The following PSMA1 variants were observed in gnomAD, a reference collection of about 807,000 sequenced individuals.
PSMA1 encodes proteasome subunit alpha type-1.
A neutral mutation model predicts 38.4 loss-of-function variants in PSMA1; 3 were observed. The ratio of observed to expected loss-of-function variants is 0.08; its 90% CI spans 0.04 to 0.20. PSMA1 has a LOEUF of 0.20. Among genes scored for constraint, PSMA1 ranks in the 10% least tolerant of loss-of-function variants. The pLI, the probability that PSMA1 is intolerant of heterozygous loss-of-function variation, is 1.00. For synonymous variants in PSMA1, 101 were observed against 107.1 expected (o/e 0.94, Z 0.35); for missense variants, 227 against 325.3 (o/e 0.70, Z 2.32).
intron 2 of PSMA1, among the ~76,000 whole-genome samples, chr11:14,588,391 T>C (rs942662611): frequency 6.6e-6 from 1 of 152,196 alleles, no homozygotes. Context: ...GGGAGAGACC[T>C]TGAAATCCTT....
At chr11:14,509,504 T>C (rs1425438357) in intron 8 of PSMA1, among the ~76,000 whole-genome samples, 1 of 152,054 alleles carries the variant, frequency 6.6e-6, no homozygotes, top group African/African-American at 2.4e-5. Flanking sequence ...GTTTTTTTTT[T>C]TTTTGAGATG....
intron 1 of PSMA1, among the ~76,000 whole-genome samples, chr11:14,637,427 C>G (rs1853123586): frequency 6.6e-6 from 1 of 152,216 alleles, no homozygotes; most frequent in South Asian, 2.1e-4. Flanking sequence ...CTTATTTTCT[C>G]CTTTACCAAA....
chr11:14,632,597 ACATTTTT>A (rs1452884851), intron 1 of PSMA1, among the ~76,000 whole-genome samples: 1 of 151,408 alleles, frequency 6.6e-6, no homozygotes, highest in African/African-American at 2.4e-5. Context: ...GCTGCCCTTA[ACATTTTT>A]TCCTTCATTT....
chr11:14,580,657 G>T (rs1299912931), intron 2 of PSMA1, among the ~76,000 whole-genome samples: 1 of 152,184 alleles, frequency 6.6e-6, no homozygotes, highest in East Asian at 1.9e-4. Context: ...GAAAGGATCA[G>T]ATCATTATGG....
At chr11:14,573,863 A>G (rs1048087246) in intron 2 of PSMA1, among the ~76,000 whole-genome samples, 41 of 152,326 alleles carry the variant, frequency 2.7e-4, no homozygotes, top group Non-Finnish European at 5.6e-4. Context: ...GTTATGCATT[A>G]GCAAAGAGCC....
chr11:14,610,402 C>CTAT (rs149434169), intron 2 of PSMA1, among the ~76,000 whole-genome samples: 1,777 of 152,210 alleles, frequency 0.012, 19 homozygotes, highest in Non-Finnish European at 0.02. Flanking sequence ...GCCACAGAGG[C>CTAT]TATTGCCTGT....
At chr11:14,536,609 T>A (rs1011107174) in intron 2 of PSMA1, among the ~76,000 whole-genome samples, 37 of 150,930 alleles carry the variant, frequency 2.5e-4, no homozygotes, top group South Asian at 6.3e-4. Flanking sequence ...TTTAAAAAAA[T>A]TTTTTTTTAT....
chr11:14,633,493 G>A (rs375500045), intron 1 of PSMA1, among the ~76,000 whole-genome samples: 12 of 151,486 alleles, frequency 7.9e-5, no homozygotes, highest in Non-Finnish European at 1.2e-4. Flanking sequence ...CAGTCTGCCC[G>A]TTCTCAGATC....
chr11:14,585,857 A>T (rs552628884), intron 2 of PSMA1, among the ~76,000 whole-genome samples: 1 of 152,210 alleles, frequency 6.6e-6, no homozygotes, highest in African/African-American at 2.4e-5. Context: ...CCACTGCAAG[A>T]CTTCATTGCA....
chr11:14,600,359 G>A (rs1330717976), intron 2 of PSMA1, among the ~76,000 whole-genome samples: 1 of 152,194 alleles, frequency 6.6e-6, no homozygotes, highest in Admixed American at 6.5e-5. Context: ...CAGAGGTGAA[G>A]TCTAGAGGCA....
intron 7 of PSMA1, 42 bp from the exon 8 acceptor site, chr11:14,510,993 T>C: frequency 7.6e-7 from 1 of 1,312,018 alleles, no homozygotes; most frequent in Non-Finnish European, 1.1e-6. Context: ...ATTTCATTGT[T>C]ATGCTAGGCT....
At chr11:14,634,198 G>A (rs373237378) in intron 1 of PSMA1, among the ~76,000 whole-genome samples, 19 of 152,194 alleles carry the variant, frequency 1.2e-4, no homozygotes, top group African/African-American at 2.9e-4. Context: ...CATCCCCCCC[G>A]GTCTGTGGAA....
In PSMA1 at chr11:14,532,604, CA is replaced by C. The variant is rs1426581772; in HGVS notation, c.22-13564del. Among the ~76,000 whole-genome samples the C allele has an allele frequency of 6.3e-3, 552 of 87,126 alleles. 3 individuals carry two copies. The highest frequency in any genetic ancestry group is 0.014 in the Middle Eastern group (2 of 138). The allele number at this position is 87,126 out of a possible 152,430, so 57.2% of individuals were successfully genotyped here. A position where few individuals can be genotyped will look rare whatever the true frequency, so the allele number is the denominator to read the frequency against. On this transcript the variant is annotated intron_variant, in intron 2 of 10. Transcript: ENST00000418988. ...TGGGTGACAGAGCGAGACTCCGTCT[CA>C]AAAAAAAAAAAAAAGGGGGATATAC...
chr11:14,594,427 G>GT lies in PSMA1; in HGVS notation c.21+16538dup, dbSNP rs112342761. On this transcript the variant is annotated intron_variant, in intron 2 of 10. Coordinates refer to the PSMA1 transcript ENST00000418988. ...AATTGTTGGCACAGGGAAGGGGGGG[G>GT]TTCAGCTTTACATTTCCATCATGTC... 3.8e-4 allele frequency among the ~76,000 whole-genome samples: 57 copies of GT among 151,832 alleles called. No individual in the cohort carries two copies. In the East Asian group the frequency reaches 9.7e-3, roughly 26 times the overall value.
chr11:14,590,551 C>A (rs1852400891), intron 2 of PSMA1, among the ~76,000 whole-genome samples: 1 of 152,090 alleles, frequency 6.6e-6, no homozygotes, highest in Admixed American at 6.5e-5. Context: ...TGAACAGGGG[C>A]ATCACTGCTG....
At chr11:14,558,325 A>G (rs908105218) in intron 2 of PSMA1, among the ~76,000 whole-genome samples, 1 of 152,012 alleles carries the variant, frequency 6.6e-6, no homozygotes, top group South Asian at 2.1e-4. Context: ...AGGCTGAGAC[A>G]GGATCACTTG....
At chr11:14,525,989 A>G (rs1306594179) in intron 2 of PSMA1, among the ~76,000 whole-genome samples, 1 of 152,090 alleles carries the variant, frequency 6.6e-6, no homozygotes, top group Non-Finnish European at 1.5e-5. Context: ...TTCAACATTT[A>G]TTCTCCAAAG....
chr11:14,626,915 A>G (rs1304901180), intron 1 of PSMA1, among the ~76,000 whole-genome samples: 1 of 152,202 alleles, frequency 6.6e-6, no homozygotes, highest in South Asian at 2.1e-4. Context: ...CTTAAACAAC[A>G]GAACTTTATT....
At chr11:14,521,421 G>A (rs927708380), upstream of PSMA1, among the ~76,000 whole-genome samples, 4 of 151,062 alleles carry the variant, frequency 2.6e-5, no homozygotes, top group African/African-American at 7.3e-5. Context: ...GAGCCAGGGA[G>A]ATCGAGGTTG....
Sources: allele counts gnomAD v4.1 joint callset (sites outside exome capture counted in the v4.1 genomes callset), GRCh38; gene constraint gnomAD v4.1.1; transcripts MANE v1.5; gene names NCBI Gene and HGNC (gene_info 2026-07-23, HGNC 2026-07-21).